Variants in PAQR3 observed in about 807,000 individuals in gnomAD.
PAQR3 encodes the protein Raf kinase trapping to Golgi.
A neutral mutation model predicts 41.7 loss-of-function variants in PAQR3; 39 were observed. The ratio of observed to expected loss-of-function variants is 0.93; its 90% confidence interval spans 0.72 to 1.22. PAQR3 has a LOEUF of 1.22. PAQR3 is among the 50% of genes most tolerant of loss of function. The pLI is 0.00. For synonymous variants in PAQR3, 140 were observed against 140.6 expected, an observed-to-expected ratio of 1.00 and a Z score of 0.03; for missense variants, 366 against 385.6, an observed-to-expected ratio of 0.95 and a Z score of 0.42.
At chr4:78,894,297 T>C (rs757734036) in intron 11 of PAQR3, among the ~76,000 whole-genome samples, 4 of 152,234 alleles carry the variant, frequency 2.6e-5, no homozygotes, top group Non-Finnish European at 5.9e-5. Context: ...GCTCTAAAAG[T>C]CCTAGATGGC....
chr4:78,918,094 C>T lies in PAQR3; in HGVS notation c.*2445G>A. 1 of 975,082 alleles carries T rather than the reference C, an allele frequency of 1.0e-6. No individual in the cohort carries two copies. The highest frequency in any genetic ancestry group is 1.2e-6 in the Non-Finnish European group (1 of 820,302). The allele number at this position is 975,082 out of a possible 1,614,324, so 60.4% of individuals were successfully genotyped here. A position where few individuals can be genotyped will look rare whatever the true frequency, so the allele number is the denominator to read the frequency against. On this transcript the variant is annotated 3_prime_UTR_variant, in exon 6 of 6. Transcript: ENST00000512733. ...AATTGTTTCTTAAATGAGTTAACCACAACCATATAAATTGCTAGACAATTT... is the reference window on the plus strand; with the variant it reads ...AATTGTTTCTTAAATGAGTTAACCATAACCATATAAATTGCTAGACAATTT...
Position 78,889,229 on chromosome 4 carries a change from A to G in PAQR3, c.*837-1081T>C, listed in dbSNP as rs1733290075. Among the ~76,000 whole-genome samples the G allele has an allele frequency of 2.0e-5, 3 of 149,818 alleles. No individual in the cohort carries two copies. The Admixed American group carries it at 2.1e-4, about 11-fold the overall frequency. On this transcript the variant is annotated intron_variant and NMD_transcript_variant, in intron 11 of 12. Coordinates refer to the PAQR3 transcript ENST00000342820. ...GAGTGAGACTCTGTCTCAAAAAAAAAAAAAAAAAAAAAAGCCCATTAATAT... is the reference window on the plus strand; with the variant it reads ...GAGTGAGACTCTGTCTCAAAAAAAAGAAAAAAAAAAAAAGCCCATTAATAT...
intron 11 of PAQR3, among the ~76,000 whole-genome samples, chr4:78,900,756 CTTAATT>C (rs1300603513): frequency 6.6e-6 from 1 of 152,082 alleles, no homozygotes; most frequent in Non-Finnish European, 1.5e-5. Context: ...TTTTTCTCTT[CTTAATT>C]TTAAACATTG....
chr4:78,926,479 G>C lies in PAQR3; in HGVS notation c.702+42C>G, dbSNP rs573081461. ...TTACCCAAAAGGAATAAAATTGAAA[G>C]GAAAAAAAAAAAGAGAAAAATATTA... On this transcript the variant is annotated intron_variant, in intron 4 of 5. Transcript: ENST00000512733. 5 of 1,507,974 alleles carry C rather than the reference G, an allele frequency of 3.3e-6. No individual in the cohort carries two copies. In the East Asian group the frequency reaches 6.8e-5, roughly 20 times the overall value. 93.4% of individuals were successfully genotyped at this position (1,507,974 alleles called of 1,614,324 possible).
intron 4 of PAQR3, among the ~76,000 whole-genome samples, chr4:78,924,632 AATT>A (rs1232713137): frequency 2.6e-5 from 4 of 151,590 alleles, no homozygotes; most frequent in East Asian, 1.9e-4. Flanking sequence ...CTCTCTCTAC[AATT>A]ATTATTATTT....
intron 11 of PAQR3, among the ~76,000 whole-genome samples, chr4:78,890,998 A>C (rs1213163680): frequency 6.6e-6 from 1 of 152,152 alleles, no homozygotes; most frequent in Non-Finnish European, 1.5e-5. Context: ...CAAGAGTTTA[A>C]GACCAGTCTG....
chr4:78,933,625 T>C (rs1737139732), intron 2 of PAQR3, among the ~76,000 whole-genome samples: 6 of 152,214 alleles, frequency 3.9e-5, no homozygotes, highest in Admixed American at 3.9e-4. Flanking sequence ...TTGTACAGCA[T>C]GTATTGTAAC....
downstream of PAQR3, chr4:78,911,180 AG>A (rs1734574380): frequency 6.2e-7 from 1 of 1,613,674 alleles, no homozygotes; most frequent in African/African-American, 1.3e-5. Context: ...AAGAATGAAA[AG>A]AACCTCCCTC....
downstream of PAQR3, chr4:78,910,749 A>G (rs373623716): frequency 1.9e-5 from 31 of 1,613,834 alleles, no homozygotes; most frequent in African/African-American, 2.9e-4. Context: ...GTCAAGTGCA[A>G]AAGGGGAATG....
chr4:78,919,755 A>G lies in PAQR3; in HGVS notation c.*784T>C, dbSNP rs1735474603. Reference sequence around the variant, plus strand: ...ACCTGTAATCCACTCACAAGAATTCAGTTATTATATGGAATTAAATAATAT... The same window carrying G: ...ACCTGTAATCCACTCACAAGAATTCGGTTATTATATGGAATTAAATAATAT... On this transcript the variant is annotated 3_prime_UTR_variant, in exon 6 of 6. Transcript: ENST00000512733. 1 of 984,664 alleles carries G rather than the reference A, an allele frequency of 1.0e-6. No individual in the cohort carries two copies. The allele number at this position is 984,664 out of a possible 1,614,324, so 61.0% of individuals were successfully genotyped here. A position where few individuals can be genotyped will look rare whatever the true frequency, so the allele number is the denominator to read the frequency against.
chr4:78,938,972 G>A (rs1737736398), intron 1 of PAQR3, 68 bp downstream of exon 1: 4 of 1,425,830 alleles, frequency 2.8e-6, no homozygotes, highest in East Asian at 2.6e-5. Flanking sequence ...GAAAGCAGAA[G>A]GGGGACCAGA....
At chr4:78,887,803 T>C (rs1375471859) in intron 12 of PAQR3, among the ~76,000 whole-genome samples, 1 of 152,218 alleles carries the variant, frequency 6.6e-6, no homozygotes, top group Non-Finnish European at 1.5e-5. Context: ...TGGAAGATAC[T>C]AGGATGGAAT....
chr4:78,921,979 CA>C (rs1400185740), intron 5 of PAQR3: 1 of 983,920 alleles, frequency 1.0e-6, no homozygotes, highest in Non-Finnish European at 1.2e-6. Context: ...CTATATTAAA[CA>C]ATTGGTAACT....
At position 78,919,205 on chromosome 4, in the gene PAQR3, TTC is replaced by T; in HGVS notation, c.*1332_*1333del. On this transcript the variant is annotated 3_prime_UTR_variant, in exon 6 of 6. Coordinates refer to ENST00000512733, the MANE Select transcript of PAQR3 (RefSeq NM_001040202.2). ...AAGCTTCATCATCAATTAACATTTTTTCTGATATTCAGTAATTTTACTGTTCT... is the reference window on the plus strand; with the variant it reads ...AAGCTTCATCATCAATTAACATTTTTTGATATTCAGTAATTTTACTGTTCT... 2.0e-6 allele frequency: 2 copies of T among 985,062 alleles called. No homozygotes were observed. Among genetic ancestry groups the T allele is most frequent in the South Asian group, 9.4e-5 (2 of 21,288 alleles). 61.0% of individuals were successfully genotyped at this position (985,062 alleles called of 1,614,324 possible).
At chr4:78,894,472 A>G (rs1204567716) in intron 11 of PAQR3, among the ~76,000 whole-genome samples, 1 of 152,148 alleles carries the variant, frequency 6.6e-6, no homozygotes, top group Admixed American at 6.5e-5. Context: ...TCATGATCCA[A>G]CCTCTACTAG....
In PAQR3 at chr4:78,935,003, C is replaced by G. The variant is rs866680653; in HGVS notation, c.348+118G>C. Reference sequence around the variant, plus strand: ...ATGTTATGAAAATCAATAAGCTGACCAACATGCCATTCCGGGGCTCTTTAA... The same window carrying G: ...ATGTTATGAAAATCAATAAGCTGACGAACATGCCATTCCGGGGCTCTTTAA... On this transcript the variant is annotated intron_variant, in intron 2 of 5. Transcript: ENST00000512733. The G allele has an allele frequency of 9.9e-5, 81 of 819,370 alleles. 1 individual carries two copies. In the Middle Eastern group the frequency reaches 1.6e-3, roughly 16 times the overall value. 50.8% of individuals were successfully genotyped at this position (819,370 alleles called of 1,614,324 possible).
downstream of PAQR3, chr4:78,911,855 C>A (rs1429518481): frequency 6.2e-7 from 1 of 1,613,900 alleles, no homozygotes; most frequent in South Asian, 1.1e-5. Context: ...CCAGGGCGGC[C>A]AAGACAAAAT....
At position 78,938,980 on chromosome 4, in the gene PAQR3, A is replaced by C. The variant is rs944055679; in HGVS notation, c.185+60T>G. On this transcript the variant is annotated intron_variant, in intron 1 of 5. Transcript: ENST00000512733. Reference sequence around the variant, plus strand: ...AGGCGGGGAAAGCAGAAGGGGGACCAGACAAAAAGGGTGTAGGTGAGAGAA... The same window carrying C: ...AGGCGGGGAAAGCAGAAGGGGGACCCGACAAAAAGGGTGTAGGTGAGAGAA... 6 of 1,454,286 alleles carry C rather than the reference A, an allele frequency of 4.1e-6. No homozygotes were observed. In the African/African-American group the frequency reaches 7.2e-5, roughly 18 times the overall value. The allele number at this position is 1,454,286 out of a possible 1,614,324, so 90.1% of individuals were successfully genotyped here.
At chr4:78,907,256 A>G (rs1734332051), downstream of PAQR3, among the ~76,000 whole-genome samples, 1 of 152,226 alleles carries the variant, frequency 6.6e-6, no homozygotes, top group South Asian at 2.1e-4. Flanking sequence ...GTGTATTTCT[A>G]TTAATACAAC....
Sources: allele counts gnomAD v4.1 joint callset (sites outside exome capture counted in the v4.1 genomes callset), GRCh38; gene constraint gnomAD v4.1.1; transcripts MANE v1.5; gene names NCBI Gene and HGNC (gene_info 2026-07-23, HGNC 2026-07-21).